The following SYNRG variants were observed in gnomAD, a reference collection of about 807,000 sequenced individuals.
SYNRG encodes AP1 gamma subunit binding protein 1.
SYNRG carries 37 observed loss-of-function variants against 130.9 expected under a neutral mutation model. The observed-to-expected ratio is 0.28, with a 90% CI of 0.22 to 0.37. The LOEUF (loss-of-function observed/expected upper bound fraction) is 0.37. SYNRG is among the 10% of genes least tolerant of loss of function. The pLI, the probability that SYNRG is intolerant of heterozygous loss-of-function variation, is 1.00. For missense variants in SYNRG, 1,338 were observed against 1,588.9 expected, an observed-to-expected ratio of 0.84 and a Z score of 2.68; for synonymous variants, 539 against 568.1, an observed-to-expected ratio of 0.95 and a Z score of 0.73.
chr17:37,563,027 A>AACT (rs2059659128), intron 11 of SYNRG, among the ~76,000 whole-genome samples: 1 of 152,208 alleles, frequency 6.6e-6, no homozygotes, highest in South Asian at 2.1e-4. Context: ...TAGGGTAATG[A>AACT]ACTACTGCTT....
chr17:37,609,036 G>T (rs2064126591), intron 1 of SYNRG, among the ~76,000 whole-genome samples: 2 of 130,180 alleles, frequency 1.5e-5, no homozygotes, highest in Non-Finnish European at 3.2e-5. Flanking sequence ...TCCCACACTG[G>T]GCGCGCGCTC....
At chr17:37,552,750 C>T (rs2145344705) in intron 14 of SYNRG, among the ~76,000 whole-genome samples, 1 of 152,314 alleles carries the variant, frequency 6.6e-6, no homozygotes, top group Middle Eastern at 3.4e-3. Flanking sequence ...GAGGGAAACA[C>T]TGATTTTACT....
intron 19 of SYNRG, among the ~76,000 whole-genome samples, chr17:37,530,626 T>C (rs2056528790): frequency 6.6e-6 from 1 of 152,250 alleles, no homozygotes; most frequent in African/African-American, 2.4e-5. Context: ...TTCCTTGGAT[T>C]AGTCATCATA....
intron 13 of SYNRG, among the ~76,000 whole-genome samples, chr17:37,556,104 G>A (rs932125204): frequency 1.6e-4 from 25 of 152,000 alleles, no homozygotes; most frequent in Non-Finnish European, 5.9e-5. Context: ...AATGTATTGA[G>A]AACCAAAATC....
In SYNRG at chr17:37,570,784, A is replaced by G. The variant is rs1420826060; in HGVS notation, c.1200T>C (p.Ser400=). Residue 400 remains serine, a synonymous_variant, in exon 10 of 22, where the codon AGT becomes AGC. Coordinates refer to ENST00000612223, the MANE Select transcript of SYNRG (RefSeq NM_007247.6). The part of the protein sequence containing the change: ...GFSMTLPTPV[S]QPTVIPSGPA... ...GACCTGAAGGTATCACAGTTGGCTG[A>G]CTCACCGGTGTAGGCAGAGTCATAG... 6.2e-7 allele frequency: 1 copy of G among 1,614,132 alleles called. No individual in the cohort carries two copies. Among genetic ancestry groups the G allele is most frequent in the Non-Finnish European group, 8.5e-7 (1 of 1,180,012 alleles).
At chr17:37,603,555 C>T (rs1216969630) in intron 1 of SYNRG, among the ~76,000 whole-genome samples, 1 of 152,108 alleles carries the variant, frequency 6.6e-6, no homozygotes, top group African/African-American at 2.4e-5. Context: ...GAATGGATGC[C>T]GCTTTAGCAG....
At chr17:37,580,510 T>TGTGAGAGAGAGAGAGA (rs1384344164) in intron 6 of SYNRG, among the ~76,000 whole-genome samples, 4 of 127,660 alleles carry the variant, frequency 3.1e-5, no homozygotes, top group Non-Finnish European at 6.2e-5. Flanking sequence ...TGTGTGTGTG[T>TGTGAGAGAGAGAGAGA]GAGAGAGAGA....
chr17:37,579,477 C>G (rs763524916), intron 6 of SYNRG: 1 of 1,272,676 alleles, frequency 7.9e-7, no homozygotes, highest in South Asian at 1.3e-5. Flanking sequence ...AAAATGGAAA[C>G]CAACAGAGAA....
At chr17:37,530,730 T>C (rs2056543978) in intron 19 of SYNRG, among the ~76,000 whole-genome samples, 1 of 152,194 alleles carries the variant, frequency 6.6e-6, no homozygotes. Context: ...AAATAGAGGA[T>C]AAGTAGTAAA....
chr17:37,594,205 T>C, intron 3 of SYNRG, among the ~76,000 whole-genome samples: 1 of 104,500 alleles, frequency 9.6e-6, no homozygotes. Flanking sequence ...TTATATTAAT[T>C]ACAATATTAA....
chr17:37,541,213 A>G, intron 15 of SYNRG: 1 of 985,438 alleles, frequency 1.0e-6, no homozygotes, highest in Non-Finnish European at 1.2e-6. Context: ...TTTGTAACCG[A>G]GTTCCTTCAC....
At position 37,518,604 on chromosome 17, in the gene SYNRG, G is replaced by A. The variant is rs551455032; in HGVS notation, c.*336C>T. ...CAGTCGCCCATTCTAGTCCCGCAAC[G>A]GTAATCTATTTTTCTTCAAATGTCA... On this transcript the variant is annotated 3_prime_UTR_variant, in exon 22 of 22. Coordinates refer to ENST00000612223, the MANE Select transcript of SYNRG (RefSeq NM_007247.6). 2.4e-5 allele frequency: 6 copies of A among 248,094 alleles called. No individual in the cohort carries two copies. The East Asian group carries it at 3.2e-4, about 13-fold the overall frequency. 15.4% of individuals were successfully genotyped at this position (248,094 alleles called of 1,614,324 possible).
chr17:37,596,611 C>T (rs1482411406), intron 2 of SYNRG, among the ~76,000 whole-genome samples: 1 of 152,098 alleles, frequency 6.6e-6, no homozygotes, highest in Non-Finnish European at 1.5e-5. Context: ...ACAGTATGGC[C>T]TAATTGGGGT....
In SYNRG at chr17:37,536,068, C is replaced by A. The variant is rs770373485; in HGVS notation, c.3577G>T (p.Val1193Leu). Reference protein sequence around the residue: ...RVELGIKATAVCSEKLQQLLK... With the variant: ...RVELGIKATALCSEKLQQLLK... ...AACTGCTGGAGTTTCTCACTGCACA[C>A]TGCAGTGGCTTTTATCCCCAGCTCC... The change falls in exon 19 of 22, where the codon GTG becomes TTG. Residue 1193 changes from valine to leucine, a missense_variant. This residue lies in a region of SYNRG where 1,146 missense variants were observed against 1,342.3 expected (regional missense o/e 0.85). Coordinates refer to ENST00000612223, the MANE Select transcript of SYNRG (RefSeq NM_007247.6). 1 of 1,614,060 alleles carries A rather than the reference C, an allele frequency of 6.2e-7. No individual in the cohort carries two copies. The highest frequency in any genetic ancestry group is 8.5e-7 in the Non-Finnish European group (1 of 1,179,946).
At chr17:37,566,535 A>C (rs1192934702) in intron 11 of SYNRG, among the ~76,000 whole-genome samples, 1 of 147,868 alleles carries the variant, frequency 6.8e-6, no homozygotes, top group Non-Finnish European at 1.5e-5. Context: ...AAAACCAGAG[A>C]CCTTTGTTCA....
chr17:37,524,649 G>A, intron 19 of SYNRG, among the ~76,000 whole-genome samples: 1 of 152,214 alleles, frequency 6.6e-6, no homozygotes, highest in East Asian at 1.9e-4. Context: ...AGACGCTGGT[G>A]CTAACGCTTG....
intron 11 of SYNRG, among the ~76,000 whole-genome samples, chr17:37,564,374 G>A (rs2059764033): frequency 6.6e-6 from 1 of 152,158 alleles, no homozygotes; most frequent in African/African-American, 2.4e-5. Context: ...ACTGTTCAGT[G>A]TCTATAACTC....
In SYNRG at chr17:37,577,567, T is replaced by G; in HGVS notation, c.636A>C (p.Thr212=). Residue 212 remains threonine, a synonymous_variant, in exon 7 of 22, where the codon ACA becomes ACC. Coordinates refer to ENST00000612223, the MANE Select transcript of SYNRG (RefSeq NM_007247.6). ...EKFLVSCDIS[T]SGQEQIKLNT... is the part of the protein sequence containing the mutation. ...TTAATTTAATTTGTTCCTGCCCAGA[T>G]GTACTTATATCACAAGATACTAGGA... 1 of 1,614,184 alleles carries G rather than the reference T, an allele frequency of 6.2e-7. No individual in the cohort carries two copies. Among genetic ancestry groups the G allele is most frequent in the South Asian group, 1.1e-5 (1 of 91,084 alleles).
intron 6 of SYNRG, among the ~76,000 whole-genome samples, chr17:37,582,617 T>A (rs1568474537): frequency 6.6e-6 from 1 of 152,164 alleles, no homozygotes; most frequent in Non-Finnish European, 1.5e-5. Context: ...TCCTAGCACT[T>A]TGGAAGGCTA....
Sources: allele counts gnomAD v4.1 joint callset (sites outside exome capture counted in the v4.1 genomes callset), GRCh38; gene constraint gnomAD v4.1.1; regional missense constraint gnomAD v4.1.1; transcripts MANE v1.5; gene names NCBI Gene and HGNC (gene_info 2026-07-23, HGNC 2026-07-21).